The following NBEA variants were observed in gnomAD, a reference collection of about 807,000 sequenced individuals.
NBEA encodes lysosomal-trafficking regulator 2.
NBEA carries 44 observed loss-of-function variants against 343.4 expected under a neutral mutation model. The ratio of observed to expected loss-of-function variants is 0.13; its 90% CI spans 0.10 to 0.16. NBEA has a LOEUF of 0.16. NBEA is among the 10% of genes least tolerant of loss of function. The pLI, the probability that NBEA is intolerant of heterozygous loss-of-function variation, is 1.00. For synonymous variants in NBEA, 1,175 were observed against 1,238.7 expected (o/e 0.95, Z 1.08); for missense variants, 2,555 against 3,631.3 (o/e 0.70, Z 7.62).
At chr13:35,382,146 A>T (rs1277616022) in intron 38 of NBEA, among the ~76,000 whole-genome samples, 1 of 152,106 alleles carries the variant, frequency 6.6e-6, no homozygotes, top group East Asian at 1.9e-4. Flanking sequence ...ACTAGCCAGG[A>T]TATTTATCAT....
chr13:35,035,510 A>G (rs1419501239), intron 1 of NBEA, among the ~76,000 whole-genome samples: 1 of 151,984 alleles, frequency 6.6e-6, no homozygotes, highest in Non-Finnish European at 1.5e-5. Flanking sequence ...ATCTTCTGTA[A>G]ATATCTATTA....
chr13:35,372,606 G>T (rs2041503883), intron 38 of NBEA, among the ~76,000 whole-genome samples: 1 of 152,202 alleles, frequency 6.6e-6, no homozygotes, highest in African/African-American at 2.4e-5. Context: ...GCTGGGGAGG[G>T]AGTGGTTGCT....
intron 1 of NBEA, among the ~76,000 whole-genome samples, chr13:35,006,429 G>A (rs1283884044): frequency 6.6e-6 from 1 of 151,928 alleles, no homozygotes; most frequent in Non-Finnish European, 1.5e-5. Flanking sequence ...CAAATTCAGT[G>A]CTATTGTTTT....
intron 17 of NBEA, among the ~76,000 whole-genome samples, chr13:35,124,897 C>G (rs1262099164): frequency 6.6e-6 from 1 of 151,592 alleles, no homozygotes; most frequent in Non-Finnish European, 1.5e-5. Context: ...AAGCATATGC[C>G]CTTTTTATAT....
rs1410684596 is a variant in NBEA, at chr13:35,196,375, T to C, written c.5366+73T>C. 7.1e-5 allele frequency: 97 copies of C among 1,372,578 alleles called. 2 individuals are homozygous for C. The South Asian group carries it at 1.1e-3, about 16-fold the overall frequency. The allele number at this position is 1,372,578 out of a possible 1,614,324, so 85.0% of individuals were successfully genotyped here. ...ATTAGACTTTGTTAATTTTAAAATA[T>C]AAGGAAGATCTTGAAAACTTTATTA... On this transcript the variant is annotated intron_variant, in intron 31 of 58. Transcript: ENST00000379939.
Position 34,942,930 on chromosome 13 carries a change from C to T in NBEA, c.110C>T (p.Thr37Ile), listed in dbSNP as rs750314737. 1 of 1,548,906 alleles carries T rather than the reference C, an allele frequency of 6.5e-7. No individual in the cohort carries two copies. The highest frequency in any genetic ancestry group is 8.7e-7 in the Non-Finnish European group (1 of 1,147,332). ...GGGGGSGGGG[T>I]GGSGMGELRG... is the part of the protein sequence containing the mutation. ...GGCGGGGGCAGCGGTGGTGGCGGCA[C>T]CGGGGGCAGCGGGATGGGGGAGCTA... The change falls in exon 1 of 59, where the codon ACC becomes ATC. Residue 37 changes from threonine to isoleucine, a missense_variant. Thr to Ile is a moderately conservative substitution (Grantham distance 89). Transcript: ENST00000379939.
chr13:35,408,249 G>A (rs1443400855), intron 38 of NBEA, among the ~76,000 whole-genome samples: 2 of 152,146 alleles, frequency 1.3e-5, no homozygotes, highest in African/African-American at 4.8e-5. Context: ...ACAAAAGCAA[G>A]CAATGGAGAA....
At chr13:35,288,305 A>G (rs2035575569) in intron 34 of NBEA, among the ~76,000 whole-genome samples, 1 of 151,954 alleles carries the variant, frequency 6.6e-6, no homozygotes, top group East Asian at 1.9e-4. Context: ...TTGAAGATAG[A>G]TAGGTCTTTC....
intron 56 of NBEA, 113 bp downstream of exon 56, chr13:35,665,299 C>A: frequency 1.3e-6 from 1 of 760,234 alleles, no homozygotes; most frequent in Non-Finnish European, 2.2e-6. Context: ...AATGGTATCC[C>A]AAAGTTATTT....
At chr13:35,387,732 C>G (rs1466302787) in intron 38 of NBEA, among the ~76,000 whole-genome samples, 1 of 150,830 alleles carries the variant, frequency 6.6e-6, no homozygotes, top group Non-Finnish European at 1.5e-5. Context: ...TTACTTTTTG[C>G]TAGGAAAAAA....
In NBEA at chr13:35,290,340, A is replaced by C. The variant is rs574786605; in HGVS notation, c.5777-49A>C. 88 of 1,181,074 alleles carry C rather than the reference A, an allele frequency of 7.5e-5. 2 individuals carry two copies. In the South Asian group the frequency reaches 1.0e-3, roughly 14 times the overall value. The allele number at this position is 1,181,074 out of a possible 1,614,324, so 73.2% of individuals were successfully genotyped here. On this transcript the variant is annotated intron_variant, in intron 34 of 58. Transcript: ENST00000379939. ...ATATAATGAATTAACTCAGAATGAT[A>C]ATTTCTGCCATTGTAATTTCATTTT...
chr13:35,130,511 G>A (rs527860811), intron 17 of NBEA, among the ~76,000 whole-genome samples: 4 of 151,832 alleles, frequency 2.6e-5, no homozygotes, highest in Non-Finnish European at 4.4e-5. Flanking sequence ...TTATGAAAAA[G>A]GTGTAATTCA....
intron 34 of NBEA, among the ~76,000 whole-genome samples, chr13:35,290,083 A>G (rs555832462): frequency 2.0e-5 from 3 of 151,808 alleles, no homozygotes; most frequent in African/African-American, 7.2e-5. Context: ...CCTTGTTTAA[A>G]TGTAAGAAAT....
At chr13:35,432,628 T>C (rs985326145) in intron 39 of NBEA, among the ~76,000 whole-genome samples, 2 of 152,114 alleles carry the variant, frequency 1.3e-5, no homozygotes, top group African/African-American at 4.8e-5. Flanking sequence ...CTAAATGGAC[T>C]TCACATAGTT....
At chr13:35,245,725 C>A (rs549309571) in intron 34 of NBEA, among the ~76,000 whole-genome samples, 1 of 152,150 alleles carries the variant, frequency 6.6e-6, no homozygotes, top group African/African-American at 2.4e-5. Flanking sequence ...AAATTCTTTC[C>A]TTTGCCTTGA....
At chr13:35,313,768 A>G in intron 36 of NBEA, among the ~76,000 whole-genome samples, 1 of 152,100 alleles carries the variant, frequency 6.6e-6, no homozygotes, top group East Asian at 1.9e-4. Flanking sequence ...GTATTTTTTG[A>G]AAAAGTGATG....
chr13:35,226,979 A>T (rs569302022), intron 33 of NBEA, among the ~76,000 whole-genome samples: 3 of 152,250 alleles, frequency 2.0e-5, no homozygotes, highest in South Asian at 2.1e-4. Context: ...CTTTTTACTT[A>T]TAAAAATATT....
At chr13:35,424,619 T>C (rs574749679) in intron 38 of NBEA, among the ~76,000 whole-genome samples, 2 of 152,276 alleles carry the variant, frequency 1.3e-5, no homozygotes, top group African/African-American at 4.8e-5. Flanking sequence ...TCTTTTTCAG[T>C]TGGGTCTCTG....
chr13:35,668,925 C>G (rs914271032), intron 58 of NBEA, among the ~76,000 whole-genome samples: 1 of 152,202 alleles, frequency 6.6e-6, no homozygotes, highest in African/African-American at 2.4e-5. Flanking sequence ...CAGTTTCCAG[C>G]AAAGTGCATA....
Sources: gnomAD v4.1 joint callset for allele counts (sites outside exome capture counted in the v4.1 genomes callset) on GRCh38, gnomAD v4.1.1 for gene constraint, MANE v1.5 for transcripts, NCBI Gene and HGNC (gene_info 2026-07-23, HGNC 2026-07-21) for gene names.